The following TUSC3 variants were observed in gnomAD, a reference collection of about 807,000 sequenced individuals.
The protein encoded by TUSC3 is dolichyl-diphosphooligosaccharide--protein glycosyltransferase subunit TUSC3.
In TUSC3, 45 loss-of-function variants were observed where a neutral mutation model predicts 44.8. That is an observed-to-expected ratio of 1.00 (90% confidence interval 0.79 to 1.29). TUSC3 has a LOEUF of 1.29. TUSC3 is among the 50% of genes most tolerant of loss of function. The pLI is 0.00. For missense variants in TUSC3, 519 were observed against 437.9 expected (o/e 1.19, Z -1.65); for synonymous variants, 212 against 152.9 (o/e 1.39, Z -2.85).
At chr8:15,566,626 T>A (rs1585108021) in intron 1 of TUSC3, among the ~76,000 whole-genome samples, 1 of 151,246 alleles carries the variant, frequency 6.6e-6, no homozygotes, top group East Asian at 2.0e-4. Context: ...TTGTTGTTGT[T>A]GTTTTTTTTT....
chr8:15,673,646 G>A, intron 5 of TUSC3, 101 bp from the exon 6 acceptor site: 3 of 1,035,760 alleles, frequency 2.9e-6, no homozygotes, highest in Non-Finnish European at 4.5e-6. Flanking sequence ...GCTGATACAT[G>A]ATTTTTAAAA....
intron 1 of TUSC3, among the ~76,000 whole-genome samples, chr8:15,588,391 A>G (rs1460980428): frequency 1.3e-5 from 2 of 152,088 alleles, no homozygotes; most frequent in East Asian, 1.9e-4. Context: ...TCTTTTGCTC[A>G]TTTTAGTACT....
the TUSC3 span, among the ~76,000 whole-genome samples, chr8:15,798,066 T>A: frequency 1.3e-5 from 2 of 152,204 alleles, no homozygotes; most frequent in Admixed American, 6.5e-5. Flanking sequence ...AAACATAAGG[T>A]ACGGAGCTAT....
chr8:15,517,414 C>G (rs980127487), intron 2 of TUSC3, among the ~76,000 whole-genome samples: 2 of 149,302 alleles, frequency 1.3e-5, no homozygotes, highest in African/African-American at 5.0e-5. Context: ...CAAAGTCAGA[C>G]ATGGAAAATG....
the TUSC3 span, among the ~76,000 whole-genome samples, chr8:15,778,059 C>G: frequency 6.7e-6 from 1 of 148,246 alleles, no homozygotes; most frequent in East Asian, 2.0e-4. Context: ...ACTCTGCCTT[C>G]AATCTGAGTG....
chr8:15,495,789 T>C (rs1800872891), intron 2 of TUSC3, among the ~76,000 whole-genome samples: 1 of 152,152 alleles, frequency 6.6e-6, no homozygotes, highest in Non-Finnish European at 1.5e-5. Flanking sequence ...AAAGAGATCA[T>C]AGGCTTATAT....
At chr8:15,816,283 C>T in the TUSC3 span, among the ~76,000 whole-genome samples, 1 of 152,050 alleles carries the variant, frequency 6.6e-6, no homozygotes, top group African/African-American at 2.4e-5. Context: ...TGGAAAGGCT[C>T]ATTCTTTGAG....
At chr8:15,785,687 A>T in the TUSC3 span, among the ~76,000 whole-genome samples, 1 of 152,246 alleles carries the variant, frequency 6.6e-6, no homozygotes, top group East Asian at 1.9e-4. Context: ...TTATTTAAAG[A>T]GATGGACAAT....
chr8:15,793,779 C>A, the TUSC3 span, among the ~76,000 whole-genome samples: 1 of 152,154 alleles, frequency 6.6e-6, no homozygotes, highest in Non-Finnish European at 1.5e-5. Flanking sequence ...CATATAGGAG[C>A]ACATATAGGG....
chr8:15,641,356 C>T (rs538105216), intron 2 of TUSC3, among the ~76,000 whole-genome samples: 9 of 115,272 alleles, frequency 7.8e-5, no homozygotes, highest in South Asian at 2.9e-4. Context: ...AGAGAGACTC[C>T]GTCTCAAAAA....
intron 1 of TUSC3, among the ~76,000 whole-genome samples, chr8:15,432,066 T>C (rs1799879503): frequency 6.6e-6 from 1 of 151,908 alleles, no homozygotes; most frequent in Admixed American, 6.6e-5. Context: ...GGATATTGGC[T>C]TGTAATTTTC....
chr8:15,464,820 G>T (rs763403946), intron 1 of TUSC3, among the ~76,000 whole-genome samples: 1 of 152,082 alleles, frequency 6.6e-6, no homozygotes, highest in Non-Finnish European at 1.5e-5. Context: ...CCAAAACATG[G>T]TCATGACTGA....
the TUSC3 span, among the ~76,000 whole-genome samples, chr8:15,773,133 AG>A: frequency 7.9e-5 from 12 of 152,230 alleles, no homozygotes; most frequent in African/African-American, 2.7e-4. Context: ...TGTTCTAGGT[AG>A]GACAATTAGG....
At chr8:15,508,134 G>A (rs1402658008) in intron 2 of TUSC3, among the ~76,000 whole-genome samples, 1 of 152,106 alleles carries the variant, frequency 6.6e-6, no homozygotes, top group Admixed American at 6.5e-5. Context: ...AGCTACTCAG[G>A]AACGTGAGGC....
At chr8:15,420,076 A>G (rs1288940533) in intron 1 of TUSC3, among the ~76,000 whole-genome samples, 1 of 152,202 alleles carries the variant, frequency 6.6e-6, no homozygotes, top group African/African-American at 2.4e-5. Context: ...TAATGATGCC[A>G]AAAACACTAT....
intron 1 of TUSC3, among the ~76,000 whole-genome samples, chr8:15,561,426 T>G (rs1211558914): frequency 1.4e-5 from 2 of 139,058 alleles, no homozygotes; most frequent in African/African-American, 5.3e-5. Context: ...ACAGGGACAT[T>G]TAAGTCTGCA....
upstream of TUSC3, among the ~76,000 whole-genome samples, chr8:15,538,426 G>C (rs538233979): frequency 6.6e-6 from 1 of 152,228 alleles, no homozygotes; most frequent in Non-Finnish European, 1.5e-5. Flanking sequence ...AAAAGCTTGC[G>C]ATACAGAAAA....
intron 6 of TUSC3, among the ~76,000 whole-genome samples, chr8:15,680,745 C>G (rs907735836): frequency 2.0e-5 from 3 of 151,936 alleles, no homozygotes; most frequent in Non-Finnish European, 2.9e-5. Flanking sequence ...ATGACTCTTA[C>G]TATTTTGAAG....
At chr8:15,451,593 G>C (rs941104944) in intron 1 of TUSC3, among the ~76,000 whole-genome samples, 1 of 152,174 alleles carries the variant, frequency 6.6e-6, no homozygotes, top group African/African-American at 2.4e-5. Context: ...CCTATACCTT[G>C]CCAAATGCAT....
Sources: allele counts gnomAD v4.1 joint callset (sites outside exome capture counted in the v4.1 genomes callset), GRCh38; gene constraint gnomAD v4.1.1; transcripts MANE v1.5; gene names NCBI Gene and HGNC (gene_info 2026-07-23, HGNC 2026-07-21).